Variants in PARD3 observed in about 807,000 individuals in gnomAD.
PARD3 encodes the protein par-3 family cell polarity regulator, also known as partitioning defective 3 homolog.
Under a neutral mutation model 155.4 loss-of-function variants are expected in PARD3, and 75 were observed. The ratio of observed to expected loss-of-function variants is 0.48; its 90% CI spans 0.40 to 0.58. PARD3 has a LOEUF of 0.58. Ranked by LOEUF, PARD3 falls within the 20% of genes least tolerant of loss-of-function variation. The pLI is 0.00. For synonymous variants in PARD3, 576 were observed against 610.5 expected (o/e 0.94, Z 0.83); for missense variants, 1,642 against 1,721.7 (o/e 0.95, Z 0.82).
chr10:34,681,798 T>A, intron 2 of PARD3, among the ~76,000 whole-genome samples: 1 of 85,466 alleles, frequency 1.2e-5, no homozygotes, highest in African/African-American at 4.1e-5. Flanking sequence ...TTTTTTTTTT[T>A]TTAAGTAAGA....
intron 19 of PARD3, among the ~76,000 whole-genome samples, chr10:34,324,128 CTT>C (rs909606002): frequency 3.3e-5 from 5 of 152,188 alleles, no homozygotes; most frequent in East Asian, 1.9e-4. Context: ...TGCTCAGACT[CTT>C]TTGAGTGAAA....
intron 2 of PARD3, among the ~76,000 whole-genome samples, chr10:34,609,156 C>T (rs1394965657): frequency 1.3e-5 from 2 of 152,154 alleles, no homozygotes; most frequent in African/African-American, 4.8e-5. Context: ...AAAGCAATGG[C>T]ATAGACATCT....
intron 1 of PARD3, among the ~76,000 whole-genome samples, chr10:34,746,921 T>C (rs940628161): frequency 2.0e-5 from 3 of 152,216 alleles, no homozygotes; most frequent in African/African-American, 7.2e-5. Flanking sequence ...ACTTCTGCAG[T>C]GGACACCCAG....
intron 3 of PARD3, among the ~76,000 whole-genome samples, chr10:34,477,263 T>C (rs1026363340): frequency 4.6e-5 from 7 of 152,236 alleles, no homozygotes; most frequent in Non-Finnish European, 1.0e-4. Flanking sequence ...ATGATAAAAC[T>C]TTCTAATCCC....
chr10:34,389,623 G>A (rs1842687915), intron 7 of PARD3, among the ~76,000 whole-genome samples: 1 of 152,122 alleles, frequency 6.6e-6, no homozygotes, highest in Admixed American at 6.6e-5. Flanking sequence ...AATAAAGGTT[G>A]ACACAGTATA....
intron 1 of PARD3, among the ~76,000 whole-genome samples, chr10:34,792,464 A>C (rs1440356519): frequency 6.6e-6 from 1 of 152,256 alleles, no homozygotes; most frequent in Non-Finnish European, 1.5e-5. Flanking sequence ...AGCAGAGTAC[A>C]GCAAATGCTA....
chr10:34,698,916 T>C (rs902004968), intron 1 of PARD3, among the ~76,000 whole-genome samples: 3 of 152,236 alleles, frequency 2.0e-5, no homozygotes, highest in African/African-American at 7.2e-5. Flanking sequence ...GCTTCAAGTG[T>C]GTCTTCCTCC....
At chr10:34,434,776 A>G (rs1417725078) in intron 5 of PARD3, among the ~76,000 whole-genome samples, 1 of 152,224 alleles carries the variant, frequency 6.6e-6, no homozygotes, top group East Asian at 1.9e-4. Flanking sequence ...AGGAAAAAGT[A>G]AAGAACACTC....
At chr10:34,201,907 G>C (rs1951233092) in intron 22 of PARD3, 1 of 152,162 alleles carries the variant, frequency 6.6e-6, no homozygotes, top group Non-Finnish European at 1.5e-5. Context: ...CCCCACCCCA[G>C]TGCACCATTG....
At chr10:34,283,758 T>C (rs1053480360) in intron 21 of PARD3, among the ~76,000 whole-genome samples, 1 of 152,002 alleles carries the variant, frequency 6.6e-6, no homozygotes, top group Non-Finnish European at 1.5e-5. Context: ...TTCAGAAGAG[T>C]ATTTCTTTAA....
intron 5 of PARD3, among the ~76,000 whole-genome samples, chr10:34,421,924 G>A (rs750524849): frequency 1.3e-5 from 2 of 152,126 alleles, no homozygotes; most frequent in Non-Finnish European, 2.9e-5. Context: ...GTAAACAGAG[G>A]TCAGAGAAGG....
intron 1 of PARD3, among the ~76,000 whole-genome samples, chr10:34,707,899 C>T (rs1224278617): frequency 6.6e-6 from 1 of 152,204 alleles, no homozygotes; most frequent in Non-Finnish European, 1.5e-5. Flanking sequence ...AGTCTGAATC[C>T]TCCAAGGAGC....
chr10:34,346,193 T>C (rs908769854), intron 15 of PARD3: 1 of 1,123,578 alleles, frequency 8.9e-7, no homozygotes, highest in Non-Finnish European at 1.1e-6. Flanking sequence ...CAATGTCAAC[T>C]ATAATGCAAA....
chr10:34,240,428 T>C (rs1301884401), intron 22 of PARD3, among the ~76,000 whole-genome samples: 2 of 152,178 alleles, frequency 1.3e-5, no homozygotes, highest in Admixed American at 6.5e-5. Flanking sequence ...GTAAGTTTTA[T>C]ACAAAAAAGT....
chr10:34,456,985 T>G (rs2077374632), intron 4 of PARD3, among the ~76,000 whole-genome samples: 1 of 152,226 alleles, frequency 6.6e-6, no homozygotes, highest in Admixed American at 6.5e-5. Context: ...AGAAAGAATT[T>G]GAAAATTACA....
rs531341557 is a variant in PARD3, at chr10:34,241,833, G to GC, written c.3419+27823dup. ...AGCATTCTTACCAGGTTCTAAATAG[G>GC]CGTCATCAGTACTTCAACACTCAAA... On this transcript the variant is annotated intron_variant, in intron 22 of 24. Transcript: ENST00000374788. Among the ~76,000 whole-genome samples, 7 of 152,188 alleles carry GC rather than the reference G, an allele frequency of 4.6e-5. No individual in the cohort carries two copies. In the South Asian group the frequency reaches 1.5e-3, roughly 32 times the overall value.
At chr10:34,425,138 A>G (rs183747148) in intron 5 of PARD3, among the ~76,000 whole-genome samples, 50 of 152,086 alleles carry the variant, frequency 3.3e-4, no homozygotes, top group Admixed American at 2.9e-3. Flanking sequence ...TCTCTACTGG[A>G]ATAGCCTGCA....
chr10:34,543,545 CAG>C (rs749203272), intron 2 of PARD3, among the ~76,000 whole-genome samples: 1 of 152,150 alleles, frequency 6.6e-6, no homozygotes, highest in Non-Finnish European at 1.5e-5. Flanking sequence ...AATGGAAAAC[CAG>C]AGAGTGTGAA....
intron 1 of PARD3, among the ~76,000 whole-genome samples, chr10:34,792,657 C>T (rs1234542346): frequency 6.6e-6 from 1 of 152,142 alleles, no homozygotes; most frequent in African/African-American, 2.4e-5. Context: ...AGTCGCCACC[C>T]GCTGGAGCTG....
Sources: gnomAD v4.1 joint callset for allele counts (sites outside exome capture counted in the v4.1 genomes callset) on GRCh38, gnomAD v4.1.1 for gene constraint, MANE v1.5 for transcripts, NCBI Gene and HGNC (gene_info 2026-07-23, HGNC 2026-07-21) for gene names.